ERC1: variants seen among roughly 807,000 people sequenced by gnomAD.
ERC1 encodes ELKS/RAB6-interacting/CAST family member 1, also known as RAB6 interacting protein 2.
A neutral mutation model predicts 132.0 loss-of-function variants in ERC1; 56 were observed. That is an observed-to-expected ratio of 0.42 (90% CI 0.34 to 0.53). The LOEUF (loss-of-function observed/expected upper bound fraction) is 0.53, where lower values mean the gene tolerates loss of function less well. Among genes scored for constraint, ERC1 ranks in the 20% least tolerant of loss-of-function variants. ERC1 has a pLI of 0.03. For missense variants in ERC1, 1,202 were observed against 1,349.9 expected, an observed-to-expected ratio of 0.89 and a Z score of 1.72; for synonymous variants, 478 against 476.1, an observed-to-expected ratio of 1.00 and a Z score of -0.05.
intron 18 of ERC1, among the ~76,000 whole-genome samples, chr12:1,457,289 C>T (rs2093558320): frequency 6.6e-6 from 1 of 152,160 alleles, no homozygotes; most frequent in Non-Finnish European, 1.5e-5. Context: ...AGTGACATGT[C>T]TGTAGTATGC....
intron 13 of ERC1, among the ~76,000 whole-genome samples, chr12:1,255,148 A>G (rs1214262659): frequency 7.1e-6 from 1 of 140,792 alleles, no homozygotes; most frequent in Non-Finnish European, 1.5e-5. Flanking sequence ...CCCTGTGTCC[A>G]TGTGTTCTGA....
At chr12:1,061,905 T>G (rs1045811625) in intron 2 of ERC1, among the ~76,000 whole-genome samples, 3 of 152,040 alleles carry the variant, frequency 2.0e-5, no homozygotes, top group Admixed American at 2.0e-4. Context: ...TATAAGTATT[T>G]ATTGCTGTAA....
chr12:1,268,455 A>C (rs1257770234), intron 14 of ERC1, among the ~76,000 whole-genome samples: 1 of 152,240 alleles, frequency 6.6e-6, no homozygotes. Flanking sequence ...ATTGGGAAAG[A>C]CTGAAGGATG....
At position 1,444,608 on chromosome 12, in the gene ERC1, A is replaced by G; in HGVS notation, c.3071A>G (p.Lys1024Arg). Reference sequence around the variant, plus strand: ...CTTGACCAAAATAGAAGTAAATTAAAGTTGTACATTGGACACCTGACAACC... The same window carrying G: ...CTTGACCAAAATAGAAGTAAATTAAGGTTGTACATTGGACACCTGACAACC... Reference protein sequence around the residue: ...LELDQNRSKLKLYIGHLTTLC... With the variant: ...LELDQNRSKLRLYIGHLTTLC... The change falls in exon 18 of 19, where the codon AAG becomes AGG. Residue 1024 changes from lysine to arginine, a missense_variant. Coordinates refer to ENST00000360905, the MANE Select transcript of ERC1 (RefSeq NM_178040.4). 1 of 1,614,020 alleles carries G rather than the reference A, an allele frequency of 6.2e-7. No homozygotes were observed. Among genetic ancestry groups the G allele is most frequent in the Non-Finnish European group, 8.5e-7 (1 of 1,179,960 alleles).
intron 16 of ERC1, among the ~76,000 whole-genome samples, chr12:1,392,549 G>A (rs1045757385): frequency 6.6e-6 from 1 of 152,094 alleles, no homozygotes; most frequent in Non-Finnish European, 1.5e-5. Context: ...GGCAGCAGTT[G>A]AGCTTTGATG....
At chr12:1,473,647 A>G in intron 18 of ERC1, among the ~76,000 whole-genome samples, 1 of 151,676 alleles carries the variant, frequency 6.6e-6, no homozygotes, top group African/African-American at 2.4e-5. Context: ...AAAAAAAAAA[A>G]AAGGACAGGG....
chr12:1,123,332 T>C (rs1947792650), intron 7 of ERC1, among the ~76,000 whole-genome samples: 1 of 152,022 alleles, frequency 6.6e-6, no homozygotes, highest in Non-Finnish European at 1.5e-5. Context: ...AGAAATGTGA[T>C]AGCATGTGGA....
chr12:996,249 CTT>C (rs35403554), intron 1 of ERC1, among the ~76,000 whole-genome samples: 3 of 43,758 alleles, frequency 6.9e-5, no homozygotes, highest in Non-Finnish European at 8.7e-5. Flanking sequence ...CCATGCCTGG[CTT>C]TTTTTTTTTT....
chr12:1,469,023 G>C (rs1260293730), intron 18 of ERC1, among the ~76,000 whole-genome samples: 1 of 152,232 alleles, frequency 6.6e-6, no homozygotes. Flanking sequence ...TTGCCTTCTA[G>C]TGCAAGCAGA....
intron 15 of ERC1, among the ~76,000 whole-genome samples, chr12:1,347,341 GT>G (rs1343700332): frequency 6.6e-6 from 1 of 152,036 alleles, no homozygotes; most frequent in Non-Finnish European, 1.5e-5. Context: ...AAAACAATTA[GT>G]TTTTTTAAAC....
Position 1,112,080 on chromosome 12 carries a change from G to C in ERC1, c.1318-135G>C, listed in dbSNP as rs745792625. 112 of 610,230 alleles carry C rather than the reference G, an allele frequency of 1.8e-4. 2 individuals are homozygous for C. The highest frequency in any genetic ancestry group is 3.1e-4 in the Admixed American group (12 of 38,896). 37.8% of individuals were successfully genotyped at this position (610,230 alleles called of 1,614,324 possible). ...TAGAAACTACCTATGGCTCTTTGAAGAGGGAATGAGGGGAACAGATTTGAT... is the reference window on the plus strand; with the variant it reads ...TAGAAACTACCTATGGCTCTTTGAACAGGGAATGAGGGGAACAGATTTGAT... On this transcript the variant is annotated intron_variant, in intron 5 of 18. Transcript: ENST00000360905.
chr12:1,152,832 C>T, intron 8 of ERC1: 1 of 153,504 alleles, frequency 6.5e-6, no homozygotes, highest in Non-Finnish European at 1.5e-5. Flanking sequence ...GAACAAGGAG[C>T]CAGTGAGATA....
chr12:1,027,932 AG>A lies in ERC1; in HGVS notation c.31del (p.Val11TrpfsTer52). 1.2e-6 allele frequency: 2 copies of A among 1,611,420 alleles called. No homozygotes were observed. Among genetic ancestry groups the A allele is most frequent in the Non-Finnish European group, 1.7e-6 (2 of 1,177,962 alleles). On this transcript the variant is annotated frameshift_variant, in exon 2 of 19. Transcript: ENST00000360905. LOFTEE classifies it high-confidence loss of function. The stretch of plus-strand genomic sequence containing the variant: ...TATGGAAGTGCCCGCTCTGTTGGGA[AG>A]GTGGAGCCGAGCAGCCAGAGCCCTG... Reference protein sequence around the residue: MYGSARSVGKVEPSSQSPGR... With the variant: MYGSARSVGXVEPSSQSPGR...
intron 12 of ERC1, among the ~76,000 whole-genome samples, chr12:1,226,742 T>A (rs1164874897): frequency 6.6e-6 from 1 of 152,178 alleles, no homozygotes; most frequent in African/African-American, 2.4e-5. Context: ...AGTGGCGTAG[T>A]CTCGGCTCAC....
Position 1,236,755 on chromosome 12 carries a change from C to G in ERC1, c.2352-14C>G. The G allele has an allele frequency of 1.2e-6, 2 of 1,610,438 alleles. No individual in the cohort carries two copies. The highest frequency in any genetic ancestry group is 1.7e-6 in the Non-Finnish European group (2 of 1,178,110). ...TACATATGCAAAGCTTGATTTTTCT[C>G]CTTCTGTCATTAGGCAAGTGAAAGA... On this transcript the variant is annotated splice_polypyrimidine_tract_variant and intron_variant, in intron 12 of 18. Coordinates refer to ENST00000360905, the MANE Select transcript of ERC1 (RefSeq NM_178040.4).
intron 16 of ERC1, among the ~76,000 whole-genome samples, chr12:1,403,455 T>G (rs1242285052): frequency 6.6e-6 from 1 of 152,228 alleles, no homozygotes; most frequent in East Asian, 1.9e-4. Context: ...TAACATCTAA[T>G]GCTCTGTGAG....
At chr12:1,298,684 T>A in intron 15 of ERC1, among the ~76,000 whole-genome samples, 1 of 149,722 alleles carries the variant, frequency 6.7e-6, no homozygotes, top group African/African-American at 2.5e-5. Flanking sequence ...AAACAACAAA[T>A]GAATGACATA....
At chr12:1,172,557 TG>T in intron 8 of ERC1, among the ~76,000 whole-genome samples, 1 of 152,328 alleles carries the variant, frequency 6.6e-6, no homozygotes, top group Non-Finnish European at 1.5e-5. Flanking sequence ...ATAAACCTGT[TG>T]GGTATCACCC....
chr12:1,230,621 T>G (rs1463676591), intron 12 of ERC1, among the ~76,000 whole-genome samples: 2 of 152,214 alleles, frequency 1.3e-5, no homozygotes, highest in African/African-American at 4.8e-5. Context: ...TAATGTTTTC[T>G]TATTGACAGA....
Sources: allele counts gnomAD v4.1 joint callset (sites outside exome capture counted in the v4.1 genomes callset), GRCh38; gene constraint gnomAD v4.1.1; transcripts MANE v1.5; gene names NCBI Gene and HGNC (gene_info 2026-07-23, HGNC 2026-07-21).